ARL6: variants seen among roughly 807,000 people sequenced by gnomAD.
ARL6 encodes ADP-ribosylation factor-like protein 6.
ARL6 carries 18 observed loss-of-function variants against 27.1 expected under a neutral mutation model. The ratio of observed to expected loss-of-function variants is 0.66; its 90% CI spans 0.46 to 0.98. The LOEUF is 0.98. ARL6 is among the 50% of genes least tolerant of loss of function. The pLI is 0.00. For synonymous variants in ARL6, 65 were observed against 72.3 expected (o/e 0.90, Z 0.51); for missense variants, 187 against 214.9 (o/e 0.87, Z 0.81).
intron 3 of ARL6, 63 bp from the exon 4 acceptor site, chr3:97,780,551 TA>T: frequency 7.4e-7 from 1 of 1,360,014 alleles, no homozygotes; most frequent in Non-Finnish European, 1.0e-6. Context: ...GTAAATAATT[TA>T]AAATTTTAAG....
At chr3:97,770,794 G>A (rs546322820) in intron 2 of ARL6, among the ~76,000 whole-genome samples, 1 of 152,048 alleles carries the variant, frequency 6.6e-6, no homozygotes, top group African/African-American at 2.4e-5. Context: ...CCCAATGTAT[G>A]TTCTTGGATG....
chr3:97,780,220 G>C lies in ARL6; in HGVS notation c.185G>C (p.Ser62Thr), dbSNP rs1181443779. Residue 62 changes from serine (S) to threonine (T), a missense_variant and splice_region_variant, in exon 3 of 8, where the codon AGT becomes ACT. Transcript: ENST00000463745. The stretch of plus-strand genomic sequence containing the variant: ...AGCATAGAGAAATTCAAATCATCCA[G>C]GTAATCCACTTTATCCCTTAACAAA... ...GFSIEKFKSS[S>T]LSFTVFDMSG... The C allele has an allele frequency of 6.2e-7, 1 of 1,610,200 alleles. No individual in the cohort carries two copies. The highest frequency in any genetic ancestry group is 1.3e-5 in the African/African-American group (1 of 74,936).
chr3:97,780,573 G>A, intron 3 of ARL6, 42 bp from the exon 4 acceptor site: 1 of 1,485,644 alleles, frequency 6.7e-7, no homozygotes, highest in East Asian at 2.3e-5. Flanking sequence ...TAAAAGTTAT[G>A]CTTTAGTTTA....
chr3:97,766,741 A>T (rs2036399451), intron 1 of ARL6: 1 of 152,232 alleles, frequency 6.6e-6, no homozygotes, highest in Admixed American at 6.5e-5. Context: ...AAGAAACTGT[A>T]ATATGACAGG....
At chr3:97,783,435 T>G (rs2037297923) in intron 4 of ARL6, among the ~76,000 whole-genome samples, 2 of 151,986 alleles carry the variant, frequency 1.3e-5, no homozygotes, top group South Asian at 4.1e-4. Context: ...CTTTAACCAT[T>G]TCTCTACTCT....
intron 4 of ARL6, among the ~76,000 whole-genome samples, chr3:97,781,680 A>C: frequency 6.6e-6 from 1 of 152,120 alleles, no homozygotes; most frequent in East Asian, 1.9e-4. Context: ...CTGTCAAGTT[A>C]CTAGGACCCA....
At chr3:97,776,299 G>A (rs80051632) in intron 2 of ARL6, among the ~76,000 whole-genome samples, 5,861 of 151,768 alleles carry the variant, frequency 0.039, 205 homozygotes, top group African/African-American at 0.095. Flanking sequence ...GTCTTTATCC[G>A]TTTTGTTTTC....
At chr3:97,786,077 G>A (rs1316379903) in intron 5 of ARL6, among the ~76,000 whole-genome samples, 1 of 152,160 alleles carries the variant, frequency 6.6e-6, no homozygotes, top group Non-Finnish European at 1.5e-5. Flanking sequence ...GCTGGGCGTG[G>A]TGGCTCAGGC....
intron 2 of ARL6, among the ~76,000 whole-genome samples, chr3:97,776,217 G>T (rs1286666539): frequency 6.6e-6 from 1 of 152,024 alleles, no homozygotes; most frequent in African/African-American, 2.4e-5. Context: ...TATAGTCTTT[G>T]ACTTGTAATC....
In ARL6 at chr3:97,768,242, T is replaced by C. The variant is rs1160990873; in HGVS notation, c.123+12T>C. Reference sequence around the variant, plus strand: ...TTAAACCTTCAAATGTAAGTATCTTTGTTAGATGCTTTATGTATTTTCTGC... The same window carrying C: ...TTAAACCTTCAAATGTAAGTATCTTCGTTAGATGCTTTATGTATTTTCTGC... On this transcript the variant is annotated intron_variant, in intron 2 of 7. Coordinates refer to ENST00000463745, the MANE Select transcript of ARL6 (RefSeq NM_001278293.3). The C allele has an allele frequency of 1.2e-6, 2 of 1,611,048 alleles. No homozygotes were observed. The highest frequency in any genetic ancestry group is 1.7e-5 in the Admixed American group (1 of 59,880).
chr3:97,769,406 GT>G (rs369334250), intron 2 of ARL6, among the ~76,000 whole-genome samples: 2 of 151,824 alleles, frequency 1.3e-5, no homozygotes, highest in Middle Eastern at 3.4e-3. Flanking sequence ...ACATCATCCA[GT>G]TTTTATATCA....
At chr3:97,765,254 G>A (rs2036325409) in intron 1 of ARL6, among the ~76,000 whole-genome samples, 1 of 147,816 alleles carries the variant, frequency 6.8e-6, no homozygotes, top group Non-Finnish European at 1.5e-5. Flanking sequence ...GTGTGTGTAA[G>A]TGTAATTTAA....
intron 2 of ARL6, among the ~76,000 whole-genome samples, chr3:97,772,371 C>T (rs747308221): frequency 2.0e-5 from 3 of 151,818 alleles, no homozygotes; most frequent in Non-Finnish European, 4.4e-5. Context: ...TGTTATTTCT[C>T]ATTCTTAAGT....
intron 7 of ARL6, among the ~76,000 whole-genome samples, chr3:97,794,515 CTT>C (rs995767209): frequency 1.3e-5 from 2 of 151,868 alleles, no homozygotes; most frequent in Non-Finnish European, 2.9e-5. Flanking sequence ...CGCCCGGCCA[CTT>C]TGGTTATATT....
chr3:97,794,523 A>G (rs372271638), intron 7 of ARL6, among the ~76,000 whole-genome samples: 11 of 152,122 alleles, frequency 7.2e-5, no homozygotes, highest in Middle Eastern at 3.4e-3. Context: ...CACTTTGGTT[A>G]TATTTTCTGT....
At chr3:97,791,950 C>A (rs1340869350) in intron 7 of ARL6, 124 bp downstream of exon 7, 3 of 834,906 alleles carry the variant, frequency 3.6e-6, no homozygotes, top group Non-Finnish European at 5.7e-6. Context: ...TTTCTGCTAT[C>A]AGAAAAAACA....
At position 97,791,759 on chromosome 3, in the gene ARL6, A is replaced by T; in HGVS notation, c.480-12A>T. ...AATGAGATGGCTATGTTTCTTATGG[A>T]TTTCATTTCAGTGCTAGTGATGCCA... On this transcript the variant is annotated splice_polypyrimidine_tract_variant and intron_variant, in intron 6 of 7. Transcript: ENST00000463745. 2 of 1,612,802 alleles carry T rather than the reference A, an allele frequency of 1.2e-6. No individual in the cohort carries two copies. The highest frequency in any genetic ancestry group is 1.7e-6 in the Non-Finnish European group (2 of 1,179,118).
intron 5 of ARL6, among the ~76,000 whole-genome samples, chr3:97,786,722 G>A (rs1031326110): frequency 6.6e-6 from 1 of 152,034 alleles, no homozygotes; most frequent in Non-Finnish European, 1.5e-5. Context: ...ATAGCTACAG[G>A]GATATTTCTA....
At chr3:97,783,124 G>A (rs2037279653) in intron 4 of ARL6, among the ~76,000 whole-genome samples, 1 of 151,194 alleles carries the variant, frequency 6.6e-6, no homozygotes, top group South Asian at 2.1e-4. Flanking sequence ...AAAATATAAG[G>A]AGTACACATT....
Sources: gnomAD v4.1 joint callset for allele counts (sites outside exome capture counted in the v4.1 genomes callset) on GRCh38, gnomAD v4.1.1 for gene constraint, MANE v1.5 for transcripts, NCBI Gene and HGNC (gene_info 2026-07-23, HGNC 2026-07-21) for gene names.